STK33: variants seen among roughly 807,000 people sequenced by gnomAD.
STK33 encodes serine/threonine-protein kinase 33.
STK33 carries 52 observed loss-of-function variants against 58.0 expected under a neutral mutation model. The ratio of observed to expected loss-of-function variants is 0.90; its 90% CI spans 0.72 to 1.13. The LOEUF (loss-of-function observed/expected upper bound fraction) is 1.13, where lower values mean the gene tolerates loss of function less well. Among genes scored for constraint, STK33 ranks in the 50% most tolerant of loss-of-function variants. STK33 has a pLI of 0.00. For missense variants in STK33, 630 were observed against 604.2 expected (o/e 1.04, Z -0.45); for synonymous variants, 215 against 200.1 (o/e 1.07, Z -0.63).
At chr11:8,447,418 C>A (rs1285908642) in intron 11 of STK33, among the ~76,000 whole-genome samples, 1 of 152,146 alleles carries the variant, frequency 6.6e-6, no homozygotes, top group Non-Finnish European at 1.5e-5. Flanking sequence ...TCCAGCAGCA[C>A]ATCAAAAAGC....
In STK33 at chr11:8,461,827, TC is replaced by T; in HGVS notation, c.535del (p.Glu179AsnfsTer13). 1 of 1,595,338 alleles carries T rather than the reference TC, an allele frequency of 6.3e-7. No individual in the cohort carries two copies. Among genetic ancestry groups the T allele is most frequent in the Non-Finnish European group, 8.5e-7 (1 of 1,173,032 alleles). On this transcript the variant is annotated frameshift_variant, in exon 8 of 16. Coordinates refer to ENST00000687296, the MANE Select transcript of STK33 (RefSeq NM_001352389.2). LOFTEE classifies it high-confidence loss of function. ...TACCTTTGGCGTTTCAAATACTTGTTCCAGATGTATGATGTGTTCATGTTTT... is the reference window on the plus strand; with the variant it reads ...TACCTTTGGCGTTTCAAATACTTGTTCAGATGTATGATGTGTTCATGTTTT... ...SVKHEHIIHL[E>X]QVFETPKKMY...
chr11:8,444,358 G>C (rs981640151), intron 11 of STK33, among the ~76,000 whole-genome samples: 2 of 151,522 alleles, frequency 1.3e-5, no homozygotes, highest in African/African-American at 2.4e-5. Flanking sequence ...TTTGTACTCA[G>C]CACTTTGCTC....
At chr11:8,482,498 G>A (rs1051002429) in intron 1 of STK33, among the ~76,000 whole-genome samples, 1 of 152,050 alleles carries the variant, frequency 6.6e-6, no homozygotes, top group Non-Finnish European at 1.5e-5. Context: ...GAAGGCATAG[G>A]TTTCACTCAT....
chr11:8,337,944 C>T, the STK33 span, among the ~76,000 whole-genome samples: 20 of 152,178 alleles, frequency 1.3e-4, no homozygotes, highest in Admixed American at 7.9e-4. Context: ...ACCCATCCCC[C>T]GTATTCCGTG....
At chr11:8,514,916 A>G (rs529334595) in intron 1 of STK33, among the ~76,000 whole-genome samples, 1 of 152,352 alleles carries the variant, frequency 6.6e-6, no homozygotes, top group African/African-American at 2.4e-5. Context: ...CTAACTATCA[A>G]AGAAATACAG....
intron 11 of STK33, among the ~76,000 whole-genome samples, chr11:8,444,577 A>G (rs2136549419): frequency 6.6e-6 from 1 of 152,294 alleles, no homozygotes; most frequent in South Asian, 2.1e-4. Flanking sequence ...AAGAGCAGAT[A>G]ATAAGTGCAT....
intron 1 of STK33, among the ~76,000 whole-genome samples, chr11:8,519,627 T>C (rs937757754): frequency 8.0e-5 from 12 of 150,826 alleles, no homozygotes; most frequent in African/African-American, 2.9e-4. Flanking sequence ...CAGAGAAGAA[T>C]CAAATAGACA....
intron 1 of STK33, among the ~76,000 whole-genome samples, chr11:8,492,371 G>A (rs1950692768): frequency 6.6e-6 from 1 of 152,096 alleles, no homozygotes. Flanking sequence ...TAATGGTAAA[G>A]GGATCAATTC....
At chr11:8,484,263 T>C (rs1027723737) in intron 1 of STK33, among the ~76,000 whole-genome samples, 2 of 152,186 alleles carry the variant, frequency 1.3e-5, no homozygotes, top group Admixed American at 1.3e-4. Context: ...ATCATGTATG[T>C]AAAGTCCTGA....
intron 15 of STK33, among the ~76,000 whole-genome samples, chr11:8,397,486 G>A (rs958964597): frequency 6.6e-6 from 1 of 151,988 alleles, no homozygotes; most frequent in Non-Finnish European, 1.5e-5. Context: ...AAAGACCAAA[G>A]GTAGATAAAA....
intron 1 of STK33, among the ~76,000 whole-genome samples, chr11:8,499,932 C>T (rs1404919642): frequency 6.6e-6 from 1 of 151,614 alleles, no homozygotes; most frequent in Non-Finnish European, 1.5e-5. Flanking sequence ...GGGTGGGGGG[C>T]TAGGGGAGGG....
chr11:8,516,781 G>C (rs1286703726), intron 1 of STK33, among the ~76,000 whole-genome samples: 1 of 152,208 alleles, frequency 6.6e-6, no homozygotes, highest in African/African-American at 2.4e-5. Flanking sequence ...AGCAAGGCTG[G>C]GGGAGGGGCG....
At chr11:8,522,594 T>C (rs1047554640) in intron 1 of STK33, among the ~76,000 whole-genome samples, 13 of 152,196 alleles carry the variant, frequency 8.5e-5, no homozygotes, top group African/African-American at 2.9e-4. Flanking sequence ...TCTTTTGATA[T>C]TGTCTTTGGC....
intron 1 of STK33, among the ~76,000 whole-genome samples, chr11:8,562,135 A>G (rs544036068): frequency 2.6e-5 from 4 of 152,338 alleles, no homozygotes; most frequent in Admixed American, 2.6e-4. Context: ...GTTTACTAAA[A>G]TAATTCTTAA....
intron 1 of STK33, among the ~76,000 whole-genome samples, chr11:8,578,295 CAT>C (rs1275503458): frequency 2.6e-5 from 4 of 152,000 alleles, no homozygotes; most frequent in East Asian, 1.9e-4. Flanking sequence ...TACAAAATAA[CAT>C]AAATTAAAAG....
intron 7 of STK33, 24 bp downstream of exon 7, chr11:8,464,685 T>C: frequency 1.3e-6 from 2 of 1,550,560 alleles, no homozygotes; most frequent in African/African-American, 1.4e-5. Context: ...GTGCCCTCAG[T>C]AGGATGCTGC....
intron 11 of STK33, among the ~76,000 whole-genome samples, chr11:8,451,552 A>G (rs1358394696): frequency 6.6e-6 from 1 of 152,198 alleles, no homozygotes; most frequent in East Asian, 1.9e-4. Flanking sequence ...AGGCACATTT[A>G]GAGAGACAAG....
intron 6 of STK33, among the ~76,000 whole-genome samples, chr11:8,472,637 T>C (rs561492807): frequency 1.3e-5 from 2 of 152,388 alleles, no homozygotes; most frequent in East Asian, 1.9e-4. Context: ...GTTGTTCTTA[T>C]TGCAGTTTCT....
intron 6 of STK33, chr11:8,467,710 G>C (rs1346315208): frequency 6.6e-6 from 1 of 152,498 alleles, no homozygotes; most frequent in Non-Finnish European, 1.5e-5. Flanking sequence ...ATTTTGGGAG[G>C]CCAAGGCAGG....
Sources: allele counts gnomAD v4.1 joint callset (sites outside exome capture counted in the v4.1 genomes callset), GRCh38; gene constraint gnomAD v4.1.1; transcripts MANE v1.5; gene names NCBI Gene and HGNC (gene_info 2026-07-23, HGNC 2026-07-21).